Variants in SPOCK1 observed in about 807,000 individuals in gnomAD.
SPOCK1 encodes the protein SPARC (osteonectin), cwcv and kazal like domains proteoglycan 1, also known as testican-1.
A neutral mutation model predicts 55.3 loss-of-function variants in SPOCK1; 23 were observed. That is an observed-to-expected ratio of 0.42 (90% CI 0.30 to 0.59). The LOEUF is 0.59. SPOCK1 is among the 20% of genes least tolerant of loss of function. The pLI is 0.22. For synonymous variants in SPOCK1, 226 were observed against 221.0 expected, an observed-to-expected ratio of 1.02 and a Z score of -0.20; for missense variants, 499 against 552.5, an observed-to-expected ratio of 0.90 and a Z score of 0.97.
chr5:137,328,408 A>G (rs1481659885), intron 2 of SPOCK1, among the ~76,000 whole-genome samples: 1 of 152,184 alleles, frequency 6.6e-6, no homozygotes, highest in Non-Finnish European at 1.5e-5. Context: ...CAGAAGAGAA[A>G]ATATGATCCA....
chr5:137,169,833 G>C (rs878951266), intron 3 of SPOCK1, among the ~76,000 whole-genome samples: 1 of 152,148 alleles, frequency 6.6e-6, no homozygotes, highest in Admixed American at 6.6e-5. Flanking sequence ...ACACAGCCAG[G>C]CCAAGATTCA....
chr5:136,999,884 C>T (rs1170790648), intron 6 of SPOCK1, among the ~76,000 whole-genome samples: 1 of 152,098 alleles, frequency 6.6e-6, no homozygotes, highest in African/African-American at 2.4e-5. Flanking sequence ...AGCTGTAAAC[C>T]TCTGTTGGGG....
chr5:137,158,179 C>T (rs993632615), intron 3 of SPOCK1, among the ~76,000 whole-genome samples: 1 of 152,210 alleles, frequency 6.6e-6, no homozygotes, highest in Non-Finnish European at 1.5e-5. Flanking sequence ...CTCTCCCCAT[C>T]CTGGTGATTC....
intron 3 of SPOCK1, among the ~76,000 whole-genome samples, chr5:137,211,461 G>A (rs1408737903): frequency 1.3e-5 from 2 of 152,336 alleles, no homozygotes; most frequent in Non-Finnish European, 1.5e-5. Context: ...ATGGATAAGG[G>A]TATAGAAAGA....
chr5:137,336,426 T>C (rs541855913), intron 2 of SPOCK1, among the ~76,000 whole-genome samples: 1 of 152,322 alleles, frequency 6.6e-6, no homozygotes, highest in Non-Finnish European at 1.5e-5. Context: ...AATGGGAATT[T>C]ACAGTACTAT....
At chr5:137,399,530 A>C (rs1448877077) in intron 2 of SPOCK1, among the ~76,000 whole-genome samples, 1 of 152,126 alleles carries the variant, frequency 6.6e-6, no homozygotes, top group Non-Finnish European at 1.5e-5. Flanking sequence ...TAAAAAAAAA[A>C]ACAACCTGTG....
chr5:137,319,495 C>T (rs1047598888), intron 2 of SPOCK1, among the ~76,000 whole-genome samples: 18 of 152,178 alleles, frequency 1.2e-4, no homozygotes, highest in African/African-American at 4.3e-4. Context: ...TCTTGGAAGG[C>T]ATCAATGATA....
chr5:137,492,497 C>G (rs751048353), intron 2 of SPOCK1, among the ~76,000 whole-genome samples: 1 of 152,186 alleles, frequency 6.6e-6, no homozygotes, highest in Non-Finnish European at 1.5e-5. Context: ...AAAACCACAG[C>G]TTCTTAGAAT....
At chr5:137,034,934 G>T (rs760911776) in intron 6 of SPOCK1, among the ~76,000 whole-genome samples, 41 of 152,194 alleles carry the variant, frequency 2.7e-4, no homozygotes, top group Middle Eastern at 3.2e-3. Context: ...GCCCAGAGGG[G>T]TCCAGGTGTA....
At chr5:137,421,562 T>C (rs957993741) in intron 2 of SPOCK1, among the ~76,000 whole-genome samples, 1 of 152,232 alleles carries the variant, frequency 6.6e-6, no homozygotes, top group East Asian at 1.9e-4. Flanking sequence ...TGGCCTTCTT[T>C]GTCTCTTTTG....
intron 6 of SPOCK1, among the ~76,000 whole-genome samples, chr5:137,046,199 G>A (rs1176910887): frequency 9.4e-6 from 1 of 106,220 alleles, no homozygotes; most frequent in Non-Finnish European, 2.0e-5. Flanking sequence ...TTGGTAGCTT[G>A]ATGGGGATGG....
chr5:137,003,476 A>G (rs538195617), intron 6 of SPOCK1, among the ~76,000 whole-genome samples: 1 of 152,206 alleles, frequency 6.6e-6, no homozygotes, highest in Non-Finnish European at 1.5e-5. Context: ...ACTATATTAC[A>G]TAATATATAT....
chr5:137,323,309 G>T (rs1159383774), intron 2 of SPOCK1, among the ~76,000 whole-genome samples: 2 of 152,094 alleles, frequency 1.3e-5, no homozygotes, highest in African/African-American at 4.8e-5. Flanking sequence ...CACACAGGAT[G>T]GAAGTGAAAG....
intron 2 of SPOCK1, among the ~76,000 whole-genome samples, chr5:137,285,008 G>C (rs1200859694): frequency 6.6e-6 from 1 of 152,214 alleles, no homozygotes; most frequent in Non-Finnish European, 1.5e-5. Flanking sequence ...AGTTCTCAAT[G>C]TATGGAGAAC....
At chr5:137,294,111 T>C (rs1158981995) in intron 2 of SPOCK1, among the ~76,000 whole-genome samples, 9 of 152,202 alleles carry the variant, frequency 5.9e-5, no homozygotes, top group Non-Finnish European at 1.5e-5. Flanking sequence ...GACTGAGGAA[T>C]TGAGCATTTA....
chr5:137,325,917 G>A (rs553790796), intron 2 of SPOCK1, among the ~76,000 whole-genome samples: 20 of 152,282 alleles, frequency 1.3e-4, no homozygotes, highest in African/African-American at 3.4e-4. Context: ...AGGAAACAGC[G>A]AGTGCAAAGG....
intron 7 of SPOCK1, among the ~76,000 whole-genome samples, chr5:136,991,781 T>C (rs17718922): frequency 0.033 from 5,085 of 152,270 alleles, 116 homozygotes; most frequent in Non-Finnish European, 0.049. Flanking sequence ...AGAGACTCCA[T>C]TGATGTGCAA....
chr5:137,313,465 C>A (rs534757676), intron 2 of SPOCK1: 356 of 985,450 alleles, frequency 3.6e-4, no homozygotes, highest in Admixed American at 2.0e-3. Flanking sequence ...CATCAGGGCA[C>A]AGGCCGGGCA....
chr5:137,213,029 C>T (rs1465486137), intron 3 of SPOCK1, among the ~76,000 whole-genome samples: 1 of 152,124 alleles, frequency 6.6e-6, no homozygotes, highest in Non-Finnish European at 1.5e-5. Context: ...GAGGCCTCTG[C>T]AAATCACTGT....
Sources: gnomAD v4.1 joint callset for allele counts (sites outside exome capture counted in the v4.1 genomes callset) on GRCh38, gnomAD v4.1.1 for gene constraint, MANE v1.5 for transcripts, NCBI Gene and HGNC (gene_info 2026-07-23, HGNC 2026-07-21) for gene names.